PIEZO2: variants seen among roughly 807,000 people sequenced by gnomAD.
PIEZO2 encodes piezo-type mechanosensitive ion channel component 2.
Under a neutral mutation model 337.3 loss-of-function variants are expected in PIEZO2, and 172 were observed. That is an observed-to-expected ratio of 0.51 (90% confidence interval 0.45 to 0.58). The LOEUF (loss-of-function observed/expected upper bound fraction) is 0.58, where lower values mean the gene tolerates loss of function less well. Among genes scored for constraint, PIEZO2 ranks in the 20% least tolerant of loss-of-function variants. PIEZO2 has a pLI of 0.00. For synonymous variants in PIEZO2, 1,251 were observed against 1,228.5 expected (o/e 1.02, Z -0.38); for missense variants, 3,028 against 3,391.3 (o/e 0.89, Z 2.66).
intron 3 of PIEZO2, among the ~76,000 whole-genome samples, chr18:10,928,857 C>G (rs2031915459): frequency 6.6e-6 from 1 of 152,204 alleles, no homozygotes; most frequent in South Asian, 2.1e-4. Flanking sequence ...GCCTATAAAG[C>G]ATTTGGGATG....
At chr18:10,956,989 A>C in intron 3 of PIEZO2, among the ~76,000 whole-genome samples, 1 of 151,336 alleles carries the variant, frequency 6.6e-6, no homozygotes, top group African/African-American at 2.4e-5. Flanking sequence ...AAAAAAAAGA[A>C]ATCATCCAGT....
chr18:11,091,140 C>T (rs1357026048), intron 1 of PIEZO2, among the ~76,000 whole-genome samples: 1 of 151,592 alleles, frequency 6.6e-6, no homozygotes, highest in Non-Finnish European at 1.5e-5. Flanking sequence ...AATCCCAAAA[C>T]CTTGGGAGGC....
At chr18:11,057,000 G>A (rs952402070) in intron 2 of PIEZO2, among the ~76,000 whole-genome samples, 2 of 152,190 alleles carry the variant, frequency 1.3e-5, no homozygotes, top group Non-Finnish European at 2.9e-5. Flanking sequence ...AGACTGAAGG[G>A]AGAGGACATT....
chr18:10,683,493 C>T (rs1172416773), intron 49 of PIEZO2, among the ~76,000 whole-genome samples: 1 of 152,186 alleles, frequency 6.6e-6, no homozygotes, highest in African/African-American at 2.4e-5. Context: ...GATATTTTTG[C>T]ACTGGCATTT....
intron 24 of PIEZO2, among the ~76,000 whole-genome samples, 185 bp downstream of exon 24, chr18:10,760,726 A>T (rs2038090876): frequency 6.6e-6 from 1 of 152,246 alleles, no homozygotes; most frequent in Non-Finnish European, 1.5e-5. Context: ...GGTGTTCAGC[A>T]CCCAAACTTG....
At chr18:10,839,870 G>T (rs944221577) in intron 7 of PIEZO2, among the ~76,000 whole-genome samples, 1 of 152,210 alleles carries the variant, frequency 6.6e-6, no homozygotes, top group African/African-American at 2.4e-5. Flanking sequence ...TTCTGTAAGA[G>T]AAGTTGTATG....
chr18:11,065,416 C>G (rs768038015), intron 2 of PIEZO2, among the ~76,000 whole-genome samples: 9 of 152,222 alleles, frequency 5.9e-5, no homozygotes, highest in Non-Finnish European at 1.3e-4. Context: ...TAAATTAACT[C>G]AGTGTGGTTT....
chr18:10,974,485 G>GA (rs1422284979), intron 3 of PIEZO2, among the ~76,000 whole-genome samples: 4 of 152,210 alleles, frequency 2.6e-5, no homozygotes, highest in Non-Finnish European at 5.9e-5. Context: ...CCAAGCAAGG[G>GA]AAAGTCATGG....
chr18:10,992,617 T>G (rs1283398481), intron 2 of PIEZO2, among the ~76,000 whole-genome samples: 1 of 152,196 alleles, frequency 6.6e-6, no homozygotes, highest in Non-Finnish European at 1.5e-5. Context: ...GCCATGCTGT[T>G]TTGGTTGTTG....
intron 30 of PIEZO2, among the ~76,000 whole-genome samples, chr18:10,747,435 C>T (rs2037467377): frequency 6.6e-6 from 1 of 152,126 alleles, no homozygotes; most frequent in Admixed American, 6.5e-5. Context: ...GCAAAAATAC[C>T]AGCTGTTTAT....
At chr18:10,768,863 A>G (rs751494457) in intron 21 of PIEZO2, among the ~76,000 whole-genome samples, 25 of 152,094 alleles carry the variant, frequency 1.6e-4, no homozygotes, top group Non-Finnish European at 3.2e-4. Flanking sequence ...CCCTTTTCTG[A>G]TGGATGGATT....
chr18:11,019,810 G>A (rs2036248247), intron 2 of PIEZO2, among the ~76,000 whole-genome samples: 1 of 152,150 alleles, frequency 6.6e-6, no homozygotes, highest in Non-Finnish European at 1.5e-5. Flanking sequence ...TCATCATCTT[G>A]TTTGTTTTCT....
At chr18:11,073,449 G>A (rs2145947267) in intron 1 of PIEZO2, among the ~76,000 whole-genome samples, 1 of 152,298 alleles carries the variant, frequency 6.6e-6, no homozygotes, top group Non-Finnish European at 1.5e-5. Context: ...GTCCTTCAGA[G>A]AGGCCCGTGT....
Position 10,954,463 on chromosome 18 carries a change from T to C in PIEZO2, c.286+25072A>G, listed in dbSNP as rs1239199859. 6.6e-6 allele frequency among the ~76,000 whole-genome samples: 1 copy of C among 152,242 alleles called. No homozygotes were observed. The highest frequency in any genetic ancestry group is 6.5e-5 in the Admixed American group (1 of 15,286). On this transcript the variant is annotated intron_variant, in intron 3 of 55. Coordinates refer to ENST00000674853, the MANE Select transcript of PIEZO2 (RefSeq NM_001378183.1). The surrounding 1 kb of genome is among the most constrained non-coding windows in gnomAD (Gnocchi z 4.2). The stretch of plus-strand genomic sequence containing the variant: ...GCTATTTCCAATTGTTGATTGCCAA[T>C]ATGTAGAAATACAATTTATTTTGGT...
At chr18:10,951,426 G>T (rs2033291708) in intron 3 of PIEZO2, among the ~76,000 whole-genome samples, 1 of 152,046 alleles carries the variant, frequency 6.6e-6, no homozygotes, top group Non-Finnish European at 1.5e-5. Context: ...CTGTCTTTCT[G>T]CCTCCAATGC....
chr18:10,858,225 G>T (rs2041770129), intron 5 of PIEZO2, among the ~76,000 whole-genome samples: 1 of 149,420 alleles, frequency 6.7e-6, no homozygotes, highest in African/African-American at 2.5e-5. Context: ...GGAGGCTAAG[G>T]CAGGAGAAAA....
Position 10,979,457 on chromosome 18 carries a change from C to T in PIEZO2, c.286+78G>A, listed in dbSNP as rs1473221147. Reference sequence around the variant, plus strand: ...ATTATTGCATAGATTTCTATGTGTGCGATGACACACAGCTTTATTATGCAC... The same window carrying T: ...ATTATTGCATAGATTTCTATGTGTGTGATGACACACAGCTTTATTATGCAC... On this transcript the variant is annotated intron_variant, in intron 3 of 55. Transcript: ENST00000674853. This position sits in a 1 kb window ranked among gnomAD's most constrained non-coding sequence, Gnocchi z 4.0. The T allele has an allele frequency of 1.7e-5, 21 of 1,255,540 alleles. No homozygotes were observed. Among genetic ancestry groups the T allele is most frequent in the South Asian group, 1.6e-4 (6 of 38,352 alleles). The allele number at this position is 1,255,540 out of a possible 1,614,324, so 77.8% of individuals were successfully genotyped here.
intron 31 of PIEZO2, among the ~76,000 whole-genome samples, chr18:10,743,426 A>C (rs531110336): frequency 2.0e-5 from 3 of 152,126 alleles, no homozygotes; most frequent in African/African-American, 4.8e-5. Context: ...CAGAGGTTCC[A>C]TCATTGCTGG....
intron 2 of PIEZO2, among the ~76,000 whole-genome samples, chr18:10,987,292 T>G (rs2034911872): frequency 6.6e-6 from 1 of 152,156 alleles, no homozygotes; most frequent in Admixed American, 6.6e-5. Flanking sequence ...AGCATCACAC[T>G]TTCTGATTTC....
Sources: allele counts gnomAD v4.1 joint callset (sites outside exome capture counted in the v4.1 genomes callset), GRCh38; gene constraint gnomAD v4.1.1; non-coding constraint Gnocchi (gnomAD v3.1); transcripts MANE v1.5; gene names NCBI Gene and HGNC (gene_info 2026-07-23, HGNC 2026-07-21).